PUS7: variants seen among roughly 807,000 people sequenced by gnomAD.
The protein encoded by PUS7 is pseudouridylate synthase 7 homolog.
A neutral mutation model predicts 79.8 loss-of-function variants in PUS7; 48 were observed. The observed-to-expected ratio is 0.60, with a 90% CI of 0.48 to 0.76. The LOEUF is 0.76. PUS7 is among the 30% of genes least tolerant of loss of function. PUS7 has a pLI of 0.00. For missense variants in PUS7, 729 were observed against 797.6 expected, an observed-to-expected ratio of 0.91 and a Z score of 1.04; for synonymous variants, 286 against 272.2, an observed-to-expected ratio of 1.05 and a Z score of -0.50.
intron 14 of PUS7, among the ~76,000 whole-genome samples, chr7:105,460,848 C>A (rs1352391457): frequency 6.9e-5 from 4 of 57,660 alleles, no homozygotes; most frequent in Non-Finnish European, 1.2e-4. Context: ...AGCGAGACTC[C>A]GTCTCAAAAA....
intron 1 of PUS7, among the ~76,000 whole-genome samples, chr7:105,517,870 C>G (rs1195880941): frequency 6.6e-6 from 1 of 152,144 alleles, no homozygotes. Flanking sequence ...AGCCAGGCAG[C>G]TGGGTGTGGT....
chr7:105,465,514 A>G (rs906981489), intron 12 of PUS7, 100 bp from the exon 13 acceptor site: 2 of 865,276 alleles, frequency 2.3e-6, no homozygotes, highest in African/African-American at 3.4e-5. Context: ...CAGAAGTACA[A>G]GTTGGTACAG....
At chr7:105,483,840 C>T (rs950173733) in intron 7 of PUS7, among the ~76,000 whole-genome samples, 4 of 152,158 alleles carry the variant, frequency 2.6e-5, no homozygotes, top group Non-Finnish European at 5.9e-5. Flanking sequence ...GAGGATCACA[C>T]ATTGCAGCTG....
intron 2 of PUS7, 72 bp downstream of exon 2, chr7:105,508,043 T>G: frequency 6.8e-7 from 1 of 1,471,268 alleles, no homozygotes; most frequent in South Asian, 1.4e-5. Flanking sequence ...AGTGGAAGAA[T>G]ATAAAGCTAA....
At position 105,506,225 on chromosome 7, in the gene PUS7, G is replaced by C. The variant is rs376873352; in HGVS notation, c.447C>G (p.Ser149Arg). The change falls in exon 3 of 16, where the codon AGC becomes AGG. Residue 149 changes from serine to arginine, a missense_variant. Ser to Arg is a moderately radical substitution (Grantham distance 110, BLOSUM62 -1). Transcript: ENST00000469408. Reference sequence around the variant, plus strand: ...CTGGAATGGACAAGTCATTCAAATGGCTGATCCGTCCATCTTTTCCTATTT... The same window carrying C: ...CTGGAATGGACAAGTCATTCAAATGCCTGATCCGTCCATCTTTTCCTATTT... ...VHEIGKDGRI[S>R]HLNDLSIPVD... The C allele has an allele frequency of 1.2e-6, 2 of 1,613,474 alleles. No homozygotes were observed. The highest frequency in any genetic ancestry group is 8.5e-7 in the Non-Finnish European group (1 of 1,179,720).
intron 9 of PUS7, among the ~76,000 whole-genome samples, chr7:105,477,053 T>G (rs1824141816): frequency 6.6e-6 from 1 of 152,214 alleles, no homozygotes; most frequent in East Asian, 1.9e-4. Flanking sequence ...GATAGCATCC[T>G]TTGATGCACG....
intron 9 of PUS7, among the ~76,000 whole-genome samples, chr7:105,476,123 C>CAAA (rs958626613): frequency 1.3e-4 from 5 of 39,150 alleles, no homozygotes; most frequent in African/African-American, 3.1e-4. Context: ...GACTCCGTCT[C>CAAA]AAAAAAAAAA....
chr7:105,493,526 G>A (rs1166572313), intron 6 of PUS7, among the ~76,000 whole-genome samples: 1 of 152,202 alleles, frequency 6.6e-6, no homozygotes, highest in East Asian at 1.9e-4. Flanking sequence ...ATTATGGGCT[G>A]AACTGTGTCT....
chr7:105,462,540 A>G, intron 14 of PUS7, 81 bp downstream of exon 14: 2 of 1,497,686 alleles, frequency 1.3e-6, no homozygotes, highest in Non-Finnish European at 1.8e-6. Context: ...CTTGTGCAGT[A>G]CATGACTCTA....
chr7:105,472,248 A>C, intron 9 of PUS7, 55 bp from the exon 10 acceptor site: 1 of 1,085,268 alleles, frequency 9.2e-7, no homozygotes, highest in Admixed American at 1.9e-5. Flanking sequence ...AAAACTTTAT[A>C]TGCACAAATC....
intron 6 of PUS7, among the ~76,000 whole-genome samples, chr7:105,492,569 G>A (rs1161384855): frequency 2.3e-4 from 33 of 142,824 alleles, no homozygotes; most frequent in Non-Finnish European, 4.4e-4. Flanking sequence ...GCAGTGGCGG[G>A]ATCTCGGCTC....
At chr7:105,462,476 T>TTA in intron 14 of PUS7, 145 bp downstream of exon 14, 2 of 898,808 alleles carry the variant, frequency 2.2e-6, no homozygotes, top group Admixed American at 5.5e-5. Flanking sequence ...AAATATGGTG[T>TTA]TATAATCTTA....
In PUS7 at chr7:105,470,721, A is replaced by G; in HGVS notation, c.1365T>C (p.Tyr455=). 4 of 1,609,210 alleles carry G rather than the reference A, an allele frequency of 2.5e-6. No individual in the cohort carries two copies. Among genetic ancestry groups the G allele is most frequent in the South Asian group, 2.2e-5 (2 of 90,692 alleles). The change falls in exon 11 of 16, where the codon TAT becomes TAC. Residue 455 remains tyrosine, a synonymous_variant. Transcript: ENST00000469408. ...ATGCAGAGACTATATTCTTCATTCC[A>G]TATTTTGAAAGTCCTCGAAGCAGCT... ...EGQLLRGLSK[Y]GMKNIVSAFG...
At chr7:105,499,898 C>T (rs377480023) in intron 5 of PUS7, among the ~76,000 whole-genome samples, 1 of 152,172 alleles carries the variant, frequency 6.6e-6, no homozygotes, top group African/African-American at 2.4e-5. Context: ...GACAAGCTGT[C>T]GCTGGTAGAG....
At chr7:105,513,962 C>T (rs1370744988) in intron 1 of PUS7, among the ~76,000 whole-genome samples, 1 of 138,750 alleles carries the variant, frequency 7.2e-6, no homozygotes, top group Non-Finnish European at 1.6e-5. Context: ...CCTGTAATCC[C>T]AGCACTTTGG....
intron 5 of PUS7, among the ~76,000 whole-genome samples, chr7:105,496,218 TATATATATAGAG>T (rs1286189581): frequency 6.2e-4 from 51 of 81,836 alleles, no homozygotes; most frequent in African/African-American, 2.3e-3. Flanking sequence ...TATATATATA[TATATATATAGAG>T]AGAGAGAGAG....
intron 15 of PUS7, among the ~76,000 whole-genome samples, chr7:105,458,588 T>C (rs1208698020): frequency 6.6e-6 from 1 of 150,564 alleles, no homozygotes; most frequent in Non-Finnish European, 1.5e-5. Flanking sequence ...TTTTTTTTTT[T>C]TTGAGATGGA....
chr7:105,508,871 T>TAAAAAAAAAAAAAAAAAA (rs34249093), intron 1 of PUS7, among the ~76,000 whole-genome samples: 2 of 22,926 alleles, frequency 8.7e-5, no homozygotes, highest in Admixed American at 8.1e-4. Context: ...GACATTGTCT[T>TAAAAAAAAAAAAAAAAAA]AAAAAAAAAA....
intron 9 of PUS7, among the ~76,000 whole-genome samples, chr7:105,476,147 A>AAAAAG (rs1824102116): frequency 6.6e-6 from 1 of 151,176 alleles, no homozygotes; most frequent in Admixed American, 6.6e-5. Context: ...AAAAAAAAAA[A>AAAAAG]AATTCCTCCT....
Sources: allele counts gnomAD v4.1 joint callset (sites outside exome capture counted in the v4.1 genomes callset), GRCh38; gene constraint gnomAD v4.1.1; transcripts MANE v1.5; gene names NCBI Gene and HGNC (gene_info 2026-07-23, HGNC 2026-07-21).